Variants in SLC41A3 observed in about 807,000 individuals in gnomAD.
The protein encoded by SLC41A3 is SLC41A1-like 2.
In SLC41A3, 44 loss-of-function variants were observed where a neutral mutation model predicts 45.4. That is an observed-to-expected ratio of 0.97 (90% CI 0.76 to 1.25). The LOEUF (loss-of-function observed/expected upper bound fraction) is 1.25, where lower values mean the gene tolerates loss of function less well. Ranked by LOEUF, SLC41A3 falls within the 50% of genes most tolerant of loss-of-function variation. The pLI is 0.00. For synonymous variants in SLC41A3, 256 were observed against 252.4 expected, an observed-to-expected ratio of 1.01 and a Z score of -0.13; for missense variants, 550 against 600.6, an observed-to-expected ratio of 0.92 and a Z score of 0.88.
chr3:126,075,310 C>T (rs944677158), intron 1 of SLC41A3, among the ~76,000 whole-genome samples: 7 of 152,046 alleles, frequency 4.6e-5, no homozygotes, highest in African/African-American at 1.7e-4. Context: ...ATTGCATTTG[C>T]AATAGAAATG....
intron 1 of SLC41A3, chr3:126,070,518 T>C (rs1487931719): frequency 6.6e-6 from 1 of 152,196 alleles, no homozygotes; most frequent in Non-Finnish European, 1.5e-5. Flanking sequence ...GGCAAAAAGG[T>C]TGGGGACCAC....
In SLC41A3 at chr3:126,016,822, C is replaced by G. The variant is rs1324743489; in HGVS notation, c.799G>C (p.Val267Leu). 1 of 1,612,578 alleles carries G rather than the reference C, an allele frequency of 6.2e-7. No homozygotes were observed. The highest frequency in any genetic ancestry group is 1.1e-5 in the South Asian group (1 of 90,672). ...VCLSFAALTP[V>L]WVLIAKQSPP... ...CTCTGCTTGGCAATGAGGACCCACA[C>G]TGGGGTCAGAGCCGCAAAGCTGAGG... Residue 267 changes from valine (V) to leucine (L), a missense_variant, in exon 7 of 11, where the codon GTG (valine) becomes CTG (leucine). Coordinates refer to ENST00000360370, the MANE Select transcript of SLC41A3 (RefSeq NM_017836.4).
At chr3:126,029,501 A>G (rs1941639309) in intron 4 of SLC41A3, among the ~76,000 whole-genome samples, 1 of 152,188 alleles carries the variant, frequency 6.6e-6, no homozygotes, top group African/African-American at 2.4e-5. Context: ...CTTCCTGTAC[A>G]GCCTGTGGAA....
At chr3:126,078,475 C>T (rs1677828418) in intron 1 of SLC41A3, among the ~76,000 whole-genome samples, 1 of 152,102 alleles carries the variant, frequency 6.6e-6, no homozygotes, top group African/African-American at 2.4e-5. Context: ...CCAGGCCCCA[C>T]TCTGCTTCTC....
chr3:126,083,472 G>C (rs946840098), intron 1 of SLC41A3, among the ~76,000 whole-genome samples: 2 of 152,240 alleles, frequency 1.3e-5, no homozygotes, highest in South Asian at 2.1e-4. Flanking sequence ...GATGGAGAGA[G>C]TGTGGGACTC....
rs774331445 is a variant in SLC41A3 at position 126,007,090 on chromosome 3, A to C, written c.1390T>G (p.Phe464Val). The change falls in exon 11 of 11, where the codon TTT becomes GTT. Residue 464 changes from phenylalanine to valine, a missense_variant. Phe to Val is a conservative substitution (Grantham distance 50). Coordinates refer to ENST00000360370, the MANE Select transcript of SLC41A3 (RefSeq NM_017836.4). ...CTCTTCAGTAGCCAGTCAGTGAAAAAGCAGAGTGCCAGGAGGCCAGTACCG... is the reference window on the plus strand; with the variant it reads ...CTCTTCAGTAGCCAGTCAGTGAAAACGCAGAGTGCCAGGAGGCCAGTACCG... ...LLGTGLLALC[F>V]FTDWLLKSKA... is the part of the protein sequence containing the mutation. The C allele has an allele frequency of 3.1e-6, 5 of 1,614,164 alleles. No individual in the cohort carries two copies. The highest frequency in any genetic ancestry group is 4.2e-6 in the Non-Finnish European group (5 of 1,180,014).
At chr3:126,072,906 A>T (rs1253976189) in intron 1 of SLC41A3, among the ~76,000 whole-genome samples, 1 of 152,376 alleles carries the variant, frequency 6.6e-6, no homozygotes, top group South Asian at 2.1e-4. Flanking sequence ...AAGAATATGT[A>T]GTACATATGC....
intron 1 of SLC41A3, among the ~76,000 whole-genome samples, chr3:126,071,640 T>G (rs1336890697): frequency 3.3e-5 from 5 of 152,192 alleles, no homozygotes. Context: ...TTGATCTATC[T>G]TAGGAAAAAT....
chr3:126,062,092 T>C (rs137863630), intron 2 of SLC41A3, among the ~76,000 whole-genome samples: 5 of 152,322 alleles, frequency 3.3e-5, no homozygotes, highest in Non-Finnish European at 5.9e-5. Flanking sequence ...GAGGGAAATT[T>C]ATTATGTGAG....
intron 9 of SLC41A3, among the ~76,000 whole-genome samples, chr3:126,010,798 G>C (rs887702019): frequency 2.0e-5 from 3 of 152,208 alleles, no homozygotes; most frequent in African/African-American, 7.2e-5. Flanking sequence ...GAGGCCTAGT[G>C]AGGAACCTAG....
intron 2 of SLC41A3, among the ~76,000 whole-genome samples, chr3:126,060,531 G>A (rs1240449524): frequency 6.6e-6 from 1 of 151,786 alleles, no homozygotes; most frequent in East Asian, 1.9e-4. Flanking sequence ...TTGGGTGGTG[G>A]GTTCATAAGT....
In SLC41A3 at chr3:126,050,177, C is replaced by A. The variant is rs369457595; in HGVS notation, c.381+766G>T. ...GTTATCTCTGGGGCCACTGTTCAGCCACTTGCGCCTCACCTATCTCTTCAG... is the reference window on the plus strand; with the variant it reads ...GTTATCTCTGGGGCCACTGTTCAGCAACTTGCGCCTCACCTATCTCTTCAG... On this transcript the variant is annotated intron_variant, in intron 3 of 10. Coordinates refer to ENST00000360370, the MANE Select transcript of SLC41A3 (RefSeq NM_017836.4). 1.7e-4 allele frequency among the ~76,000 whole-genome samples: 26 copies of A among 152,286 alleles called. No individual in the cohort carries two copies. The East Asian group carries it at 2.7e-3, about 16-fold the overall frequency.
At chr3:126,007,848 T>C (rs1939258899) in intron 10 of SLC41A3, among the ~76,000 whole-genome samples, 1 of 152,164 alleles carries the variant, frequency 6.6e-6, no homozygotes, top group South Asian at 2.1e-4. Context: ...ACCCATAGAA[T>C]TGCCCTCCAG....
intron 2 of SLC41A3, among the ~76,000 whole-genome samples, 180 bp from the exon 3 acceptor site, chr3:126,051,230 A>G (rs891138520): frequency 6.6e-6 from 1 of 152,270 alleles, no homozygotes; most frequent in African/African-American, 2.4e-5. Context: ...AAAACCTTTT[A>G]GTGCTGTTAA....
At chr3:126,064,210 C>T (rs926971564) in intron 2 of SLC41A3, among the ~76,000 whole-genome samples, 19 of 152,020 alleles carry the variant, frequency 1.2e-4, no homozygotes, top group African/African-American at 3.4e-4. Context: ...ATAATGTGAG[C>T]GGCGCGTTCC....
chr3:126,006,727 C>T lies in SLC41A3; in HGVS notation c.*289G>A. On this transcript the variant is annotated 3_prime_UTR_variant, in exon 11 of 11. Coordinates refer to ENST00000360370, the MANE Select transcript of SLC41A3 (RefSeq NM_017836.4). ...ATGCCTCTTCTTTACCTTCTCAGGC[C>T]AGAACACCCTCCTCTCCACAAACGT... is the stretch of plus-strand genomic sequence containing the variant. The T allele has an allele frequency of 2.1e-6, 3 of 1,448,742 alleles. No individual in the cohort carries two copies. The highest frequency in any genetic ancestry group is 2.7e-6 in the Non-Finnish European group (3 of 1,104,850). The allele number at this position is 1,448,742 out of a possible 1,614,324, so 89.7% of individuals were successfully genotyped here.
intron 1 of SLC41A3, among the ~76,000 whole-genome samples, chr3:126,094,756 T>A (rs1275009401): frequency 4.6e-5 from 7 of 152,214 alleles, no homozygotes; most frequent in African/African-American, 1.4e-4. Flanking sequence ...AAGCTTCTTA[T>A]TCTGGCTCGA....
intron 3 of SLC41A3, among the ~76,000 whole-genome samples, chr3:126,038,900 G>C (rs1471554344): frequency 1.3e-5 from 2 of 152,172 alleles, no homozygotes; most frequent in Non-Finnish European, 2.9e-5. Flanking sequence ...GGTCATGGGG[G>C]TGGATCCTTC....
intron 3 of SLC41A3, among the ~76,000 whole-genome samples, chr3:126,042,046 G>T (rs1053930482): frequency 2.0e-5 from 3 of 152,174 alleles, no homozygotes; most frequent in African/African-American, 7.2e-5. Context: ...GAACCTGCTG[G>T]CTATCCTCTG....
Sources: gnomAD v4.1 joint callset for allele counts (sites outside exome capture counted in the v4.1 genomes callset) on GRCh38, gnomAD v4.1.1 for gene constraint, MANE v1.5 for transcripts, NCBI Gene and HGNC (gene_info 2026-07-23, HGNC 2026-07-21) for gene names.